The following TARBP1 variants were observed in gnomAD, a reference collection of about 807,000 sequenced individuals.
The protein encoded by TARBP1 is tRNA guanosine 2 -O-methyltransferase TARBP1.
Under a neutral mutation model 178.6 loss-of-function variants are expected in TARBP1, and 144 were observed. That is an observed-to-expected ratio of 0.81 (90% CI 0.70 to 0.93). TARBP1 has a LOEUF of 0.93. Among genes scored for constraint, TARBP1 ranks in the 40% least tolerant of loss-of-function variants. TARBP1 has a pLI of 0.00. For missense variants in TARBP1, 2,067 were observed against 2,011.7 expected (o/e 1.03, Z -0.53); for synonymous variants, 787 against 781.0 (o/e 1.01, Z -0.13).
At chr1:234,472,156 G>T (rs568315971) in intron 2 of TARBP1, among the ~76,000 whole-genome samples, 1 of 152,054 alleles carries the variant, frequency 6.6e-6, no homozygotes, top group South Asian at 2.1e-4. Context: ...GGCCAACATG[G>T]TGGAACCCCA....
At chr1:234,402,585 T>G (rs2103046420) in intron 24 of TARBP1, among the ~76,000 whole-genome samples, 1 of 151,410 alleles carries the variant, frequency 6.6e-6, no homozygotes, top group Non-Finnish European at 1.5e-5. Context: ...GTTTGTTTGT[T>G]TTTTTTTTGA....
At chr1:234,437,432 C>T in intron 12 of TARBP1, 60 bp from the exon 13 acceptor site, 1 of 765,242 alleles carries the variant, frequency 1.3e-6, no homozygotes, top group Non-Finnish European at 2.1e-6. Flanking sequence ...ACAAAACACA[C>T]CAGATATTCT....
At position 234,392,486 on chromosome 1, in the gene TARBP1, C is replaced by G. The variant is rs1316392396; in HGVS notation, c.4627G>C (p.Val1543Leu). Reference sequence around the variant, plus strand: ...TCTAAACTTTTGGCAGTTTGTTCCACTCCAATGATGGTATAACCTTCTGTT... The same window carrying G: ...TCTAAACTTTTGGCAGTTTGTTCCAGTCCAATGATGGTATAACCTTCTGTT... ...KKTEGYTIIG[V>L]EQTAKSLDLT... Residue 1543 changes from valine to leucine, a missense_variant, in exon 29 of 30, where the codon GTG becomes CTG. Physicochemically the swap from Val to Leu is conservative, Grantham distance 32. Coordinates refer to ENST00000040877, the MANE Select transcript of TARBP1 (RefSeq NM_005646.4). 1 of 1,614,142 alleles carries G rather than the reference C, an allele frequency of 6.2e-7. No individual in the cohort carries two copies. The highest frequency in any genetic ancestry group is 1.1e-5 in the South Asian group (1 of 91,086).
intron 22 of TARBP1, among the ~76,000 whole-genome samples, chr1:234,411,920 T>A (rs1175815807): frequency 2.6e-5 from 4 of 152,182 alleles, no homozygotes; most frequent in African/African-American, 9.7e-5. Context: ...AATCATTTAT[T>A]ATTATTTAAT....
Position 234,446,866 on chromosome 1 carries a change from A to C in TARBP1, c.2071T>G (p.Cys691Gly). 6.2e-7 allele frequency: 1 copy of C among 1,614,084 alleles called. No homozygotes were observed. The highest frequency in any genetic ancestry group is 8.5e-7 in the Non-Finnish European group (1 of 1,179,992). Residue 691 changes from cysteine (C) to glycine (G), a missense_variant, in exon 12 of 30, where the codon TGC (cysteine) becomes GGC (glycine). Physicochemically the swap from Cys to Gly is radical, Grantham distance 159. Coordinates refer to ENST00000040877, the MANE Select transcript of TARBP1 (RefSeq NM_005646.4). Reference protein sequence around the residue: ...AYMPLLKTDRCLQLLLKLLNT... With the variant: ...AYMPLLKTDRGLQLLLKLLNT... ...AACAGCTTCAACAGCAGCTGGAGGC[A>C]TCTGTCAGTCTTCAGCAAGGGCATG...
At position 234,437,326 on chromosome 1, in the gene TARBP1, C is replaced by T; in HGVS notation, c.2181G>A (p.Glu727=). The change falls in exon 13 of 30, where the codon GAG becomes GAA. Residue 727 remains glutamate, a synonymous_variant. Coordinates refer to ENST00000040877, the MANE Select transcript of TARBP1 (RefSeq NM_005646.4). ...VLQNFFMSTT[E]SISEFILRRL... ...TTCTGAGAATAAATTCAGAAATGCT[C>T]TCTGTAGTAGACATGAAAAAGTTCT... is the stretch of plus-strand genomic sequence containing the variant. The T allele has an allele frequency of 6.3e-7, 1 of 1,599,574 alleles. No homozygotes were observed. Among genetic ancestry groups the T allele is most frequent in the East Asian group, 2.2e-5 (1 of 44,560 alleles).
rs983246741 is a variant in TARBP1, at chr1:234,410,335, A to C, written c.3792+110T>G. On this transcript the variant is annotated intron_variant, in intron 23 of 29. Transcript: ENST00000040877. ...CACATTAGCAGGGCAGTGGAAAGGA[A>C]AGGGAAAAATTGCAAACATTCACAG... The C allele has an allele frequency of 1.4e-5, 9 of 632,250 alleles. No homozygotes were observed. In the Middle Eastern group the frequency reaches 1.4e-3, roughly 95 times the overall value. The allele number at this position is 632,250 out of a possible 1,614,324, so 39.2% of individuals were successfully genotyped here.
intron 5 of TARBP1, among the ~76,000 whole-genome samples, chr1:234,464,864 A>T (rs270506): frequency 0.23 from 35,041 of 152,160 alleles, 4,742 homozygotes; most frequent in Non-Finnish European, 0.31. Flanking sequence ...GCTCAAAAAA[A>T]TGAGGCTAAG....
At chr1:234,417,961 T>C (rs1028293456) in intron 22 of TARBP1, 123 bp downstream of exon 22, 4 of 508,834 alleles carry the variant, frequency 7.9e-6, no homozygotes, top group Non-Finnish European at 1.3e-5. Flanking sequence ...AAAACATAAC[T>C]TATGATGTCA....
intron 2 of TARBP1, among the ~76,000 whole-genome samples, chr1:234,471,975 A>T (rs1254919825): frequency 1.3e-5 from 2 of 152,196 alleles, no homozygotes; most frequent in Non-Finnish European, 2.9e-5. Context: ...TGCAGAATGG[A>T]AACCATGGTT....
At chr1:234,456,349 C>T (rs959985241) in intron 9 of TARBP1, among the ~76,000 whole-genome samples, 3 of 152,210 alleles carry the variant, frequency 2.0e-5, no homozygotes, top group Non-Finnish European at 4.4e-5. Flanking sequence ...TACAGGCACA[C>T]ACCACCATGC....
At chr1:234,473,029 A>C (rs1311670215) in intron 1 of TARBP1, among the ~76,000 whole-genome samples, 1 of 152,100 alleles carries the variant, frequency 6.6e-6, no homozygotes, top group Non-Finnish European at 1.5e-5. Context: ...TAAAAATGGC[A>C]GATTTGCACA....
At chr1:234,469,458 G>C (rs1359044260) in intron 3 of TARBP1, among the ~76,000 whole-genome samples, 1 of 152,198 alleles carries the variant, frequency 6.6e-6, no homozygotes, top group East Asian at 1.9e-4. Flanking sequence ...AAATGAATAA[G>C]TGAAGTCACA....
chr1:234,421,851 T>C (rs1419047250), intron 20 of TARBP1, among the ~76,000 whole-genome samples: 1 of 152,226 alleles, frequency 6.6e-6, no homozygotes, highest in East Asian at 1.9e-4. Flanking sequence ...TCCAAAACCA[T>C]TTTCACATAG....
At chr1:234,427,964 T>G (rs1021267326) in intron 17 of TARBP1, among the ~76,000 whole-genome samples, 198 bp from the exon 18 acceptor site, 1 of 152,172 alleles carries the variant, frequency 6.6e-6, no homozygotes, top group Non-Finnish European at 1.5e-5. Context: ...ATAAATAAAA[T>G]TTTACTGATA....
chr1:234,424,451 G>C (rs1195599382), intron 20 of TARBP1, among the ~76,000 whole-genome samples: 1 of 152,172 alleles, frequency 6.6e-6, no homozygotes, highest in Non-Finnish European at 1.5e-5. Context: ...ATCAGTCTTA[G>C]ACAAACATCA....
At position 234,459,296 on chromosome 1, in the gene TARBP1, A is replaced by G. The variant is rs1359758426; in HGVS notation, c.1566T>C (p.His522=). ...RDVIHCTMIT[H]QILLRGAAQC... ...GGGCTGCCCCTCTCAGGAGAATCTG[A>G]TGTGTGATCATAGTGCAATGAATAA... Residue 522 remains histidine (H), a synonymous_variant, in exon 8 of 30, where the codon CAT becomes CAC. Transcript: ENST00000040877. 20 of 1,613,194 alleles carry G rather than the reference A, an allele frequency of 1.2e-5. No individual in the cohort carries two copies. The highest frequency in any genetic ancestry group is 1.5e-5 in the Non-Finnish European group (18 of 1,179,720).
At chr1:234,429,715 C>A (rs759758793) in intron 15 of TARBP1, 38 bp from the exon 16 acceptor site, 11 of 1,545,182 alleles carry the variant, frequency 7.1e-6, no homozygotes, top group Non-Finnish European at 2.6e-6. Context: ...CATACTTCCC[C>A]AATTTGCCTC....
intron 20 of TARBP1, among the ~76,000 whole-genome samples, chr1:234,423,927 CATGT>C (rs1041146005): frequency 2.6e-5 from 4 of 151,984 alleles, no homozygotes; most frequent in African/African-American, 9.7e-5. Flanking sequence ...TATATTATAA[CATGT>C]ATTTTTGTTC....
Sources: gnomAD v4.1 joint callset for allele counts (sites outside exome capture counted in the v4.1 genomes callset) on GRCh38, gnomAD v4.1.1 for gene constraint, MANE v1.5 for transcripts, NCBI Gene and HGNC (gene_info 2026-07-23, HGNC 2026-07-21) for gene names.